UNC5C: variants seen among roughly 807,000 people sequenced by gnomAD.
UNC5C encodes the protein unc-5 netrin receptor C, also known as netrin receptor UNC5C.
UNC5C carries 47 observed loss-of-function variants against 99.8 expected under a neutral mutation model. The observed-to-expected ratio is 0.47, with a 90% confidence interval of 0.37 to 0.60. The LOEUF is 0.60. UNC5C is among the 20% of genes least tolerant of loss of function. The probability of loss-of-function intolerance (pLI) is 0.00; values close to 1 mark genes in which losing one functional copy is unlikely to be tolerated. For missense variants in UNC5C, 1,062 were observed against 1,165.9 expected, an observed-to-expected ratio of 0.91 and a Z score of 1.30; for synonymous variants, 487 against 452.2, an observed-to-expected ratio of 1.08 and a Z score of -0.98.
In UNC5C at chr4:95,171,314, T is replaced by C. The variant is rs544915048; in HGVS notation, c.2452-982A>G. On this transcript the variant is annotated intron_variant, in intron 14 of 15. Coordinates refer to ENST00000453304, the MANE Select transcript of UNC5C (RefSeq NM_003728.4). ...TAGTTACATATGTATACACGTGCCATGCTGGTGCGCTGCACCCACTAACTC... is the reference window on the plus strand; with the variant it reads ...TAGTTACATATGTATACACGTGCCACGCTGGTGCGCTGCACCCACTAACTC... Among the ~76,000 whole-genome samples, 125 of 151,922 alleles carry C rather than the reference T, an allele frequency of 8.2e-4. 3 individuals carry two copies. The Middle Eastern group carries it at 0.034, about 42-fold the overall frequency.
At chr4:95,251,795 T>C (rs1408848175) in intron 4 of UNC5C, among the ~76,000 whole-genome samples, 1 of 152,180 alleles carries the variant, frequency 6.6e-6, no homozygotes, top group Admixed American at 6.5e-5. Context: ...GGGTTTGACA[T>C]TGCACAACTC....
At chr4:95,457,827 C>G (rs891169986) in intron 1 of UNC5C, among the ~76,000 whole-genome samples, 5 of 152,138 alleles carry the variant, frequency 3.3e-5, no homozygotes, top group African/African-American at 1.2e-4. Flanking sequence ...AAACTGAATT[C>G]TGTCTACAAC....
At chr4:95,544,417 A>C (rs2149497309) in intron 1 of UNC5C, among the ~76,000 whole-genome samples, 1 of 152,328 alleles carries the variant, frequency 6.6e-6, no homozygotes, top group African/African-American at 2.4e-5. Flanking sequence ...TTCTGTGTAG[A>C]AATTTTAGAA....
chr4:95,316,020 T>C (rs1742463015), intron 2 of UNC5C, among the ~76,000 whole-genome samples: 1 of 152,184 alleles, frequency 6.6e-6, no homozygotes, highest in Non-Finnish European at 1.5e-5. Flanking sequence ...AGTTGCATAT[T>C]CACTGTTGAA....
At position 95,442,800 on chromosome 4, in the gene UNC5C, ATGAG is replaced by A. The variant is rs1338194916; in HGVS notation, c.124+105930_124+105933del. 3.4e-5 allele frequency among the ~76,000 whole-genome samples: 5 copies of A among 145,048 alleles called. No individual in the cohort carries two copies. The East Asian group carries it at 8.0e-4, about 23-fold the overall frequency. ...TAATTTCTTTCCTAAAAGTCCATGC[ATGAG>A]TGTGTGCGCCAATACACACACACAC... On this transcript the variant is annotated intron_variant, in intron 1 of 15. Coordinates refer to ENST00000453304, the MANE Select transcript of UNC5C (RefSeq NM_003728.4).
intron 3 of UNC5C, among the ~76,000 whole-genome samples, chr4:95,285,674 AG>A (rs1741205575): frequency 2.0e-5 from 3 of 152,162 alleles, no homozygotes; most frequent in Non-Finnish European, 4.4e-5. Context: ...ATGACCCTTG[AG>A]AGGGTTACAA....
chr4:95,490,477 C>A (rs1269433540), intron 1 of UNC5C, among the ~76,000 whole-genome samples: 2 of 151,624 alleles, frequency 1.3e-5, no homozygotes, highest in Non-Finnish European at 3.0e-5. Flanking sequence ...TTGACTATGT[C>A]TCAGATTCTG....
intron 3 of UNC5C, among the ~76,000 whole-genome samples, chr4:95,299,593 G>C (rs1337994008): frequency 1.3e-5 from 2 of 152,172 alleles, no homozygotes; most frequent in Non-Finnish European, 2.9e-5. Context: ...ATAAAGGAAA[G>C]AGGCTTAATG....
At chr4:95,520,716 A>G (rs1722331291) in intron 1 of UNC5C, among the ~76,000 whole-genome samples, 1 of 150,022 alleles carries the variant, frequency 6.7e-6, no homozygotes, top group African/African-American at 2.5e-5. Flanking sequence ...CTCCTGCCTC[A>G]GCCTCCCGAG....
intron 12 of UNC5C, among the ~76,000 whole-genome samples, chr4:95,197,392 A>G (rs1181660919): frequency 6.6e-6 from 1 of 152,090 alleles, no homozygotes; most frequent in Non-Finnish European, 1.5e-5. Flanking sequence ...CTATACGAAA[A>G]TATCAAATGC....
In UNC5C at chr4:95,164,515, A is replaced by G. The variant is rs892219259; in HGVS notation, c.*4719T>C. On this transcript the variant is annotated 3_prime_UTR_variant, in exon 16 of 16. Transcript: ENST00000453304. ...GTTAAAGAATATATAAAAATAATAC[A>G]AAAAGAAAAATAAAAGCCAAAGAGT... 3.9e-5 allele frequency: 6 copies of G among 152,226 alleles called. No individual in the cohort carries two copies. Among genetic ancestry groups the G allele is most frequent in the Non-Finnish European group, 5.9e-5 (4 of 68,042 alleles). 9.4% of individuals were successfully genotyped at this position (152,226 alleles called of 1,614,324 possible). A position where few individuals can be genotyped will look rare whatever the true frequency, so the allele number is the denominator to read the frequency against.
intron 4 of UNC5C, among the ~76,000 whole-genome samples, chr4:95,259,786 T>A (rs976418392): frequency 2.6e-5 from 4 of 152,252 alleles, no homozygotes; most frequent in African/African-American, 4.8e-5. Context: ...AAATATTCAC[T>A]ATCATACTTG....
At chr4:95,527,683 C>A (rs115746728) in intron 1 of UNC5C, among the ~76,000 whole-genome samples, 3,544 of 151,940 alleles carry the variant, frequency 0.023, 153 homozygotes, top group African/African-American at 0.082. Context: ...AATTTCCATG[C>A]CAAATGAAAA....
chr4:95,383,262 TACACACAC>T (rs35068196), intron 1 of UNC5C, among the ~76,000 whole-genome samples: 48 of 150,944 alleles, frequency 3.2e-4, no homozygotes, highest in Admixed American at 8.6e-4. Context: ...TGTGTGTGTT[TACACACAC>T]ACACACACAC....
At chr4:95,492,189 T>C (rs1293660129) in intron 1 of UNC5C, among the ~76,000 whole-genome samples, 1 of 151,482 alleles carries the variant, frequency 6.6e-6, no homozygotes, top group Non-Finnish European at 1.5e-5. Context: ...GAATTATAGG[T>C]TTATTTTATG....
intron 1 of UNC5C, among the ~76,000 whole-genome samples, chr4:95,360,509 G>C (rs1206133724): frequency 6.6e-6 from 1 of 152,102 alleles, no homozygotes; most frequent in Non-Finnish European, 1.5e-5. Context: ...AAAACATACA[G>C]GGAAAGGATT....
intron 1 of UNC5C, among the ~76,000 whole-genome samples, chr4:95,539,951 T>C (rs1369597154): frequency 6.6e-6 from 1 of 151,904 alleles, no homozygotes; most frequent in South Asian, 2.1e-4. Flanking sequence ...CATGTAATAG[T>C]AAATAAACTA....
intron 1 of UNC5C, among the ~76,000 whole-genome samples, chr4:95,440,248 T>C (rs547201198): frequency 1.3e-3 from 200 of 152,300 alleles, no homozygotes; most frequent in African/African-American, 4.7e-3. Flanking sequence ...GGAGGTGGCT[T>C]ACCTGTGTTT....
chr4:95,295,602 G>GC (rs570750710), intron 3 of UNC5C, among the ~76,000 whole-genome samples: 68 of 152,258 alleles, frequency 4.5e-4, no homozygotes, highest in Admixed American at 1.4e-3. Context: ...AGAACTATGG[G>GC]CCCCTCCACA....
Sources: allele counts gnomAD v4.1 joint callset (sites outside exome capture counted in the v4.1 genomes callset), GRCh38; gene constraint gnomAD v4.1.1; transcripts MANE v1.5; gene names NCBI Gene and HGNC (gene_info 2026-07-23, HGNC 2026-07-21).